GATA4: variants seen among roughly 807,000 people sequenced by gnomAD.
GATA4 encodes the protein GATA binding protein 4, also known as transcription factor GATA-4.
A neutral mutation model predicts 37.9 loss-of-function variants in GATA4; 7 were observed. The ratio of observed to expected loss-of-function variants is 0.18; its 90% CI spans 0.11 to 0.35. The LOEUF (loss-of-function observed/expected upper bound fraction) is 0.35. GATA4 is among the 10% of genes least tolerant of loss of function. The pLI is 1.00. For synonymous variants in GATA4, 372 were observed against 292.6 expected, an observed-to-expected ratio of 1.27 and a Z score of -2.77; for missense variants, 647 against 653.0, an observed-to-expected ratio of 0.99 and a Z score of 0.10.
Position 11,708,788 on chromosome 8 carries a change from C to T in GATA4, c.476C>T (p.Ser159Phe). ...CGCGCCGGCTTCGCGGGCTCCTACT[C>T]CAGCCCCTACCCGGCTTACATGGCC... ...YGRAGFAGSY[S>F]SPYPAYMADV... Residue 159 changes from serine (S) to phenylalanine (F), a missense_variant, in exon 2 of 7, where the codon TCC (serine) becomes TTC (phenylalanine). This residue lies in a region of GATA4 where 379 missense variants were observed against 334.5 expected (regional missense o/e 1.13). Transcript: ENST00000532059. This position sits in a 1 kb window ranked among gnomAD's most constrained non-coding sequence, Gnocchi z 6.7. 1 of 1,469,546 alleles carries T rather than the reference C, an allele frequency of 6.8e-7. No homozygotes were observed. The highest frequency in any genetic ancestry group is 8.9e-7 in the Non-Finnish European group (1 of 1,117,416). 91.0% of individuals were successfully genotyped at this position (1,469,546 alleles called of 1,614,324 possible).
chr8:11,697,913 C>T, intron 1 of GATA4: 1 of 985,486 alleles, frequency 1.0e-6, no homozygotes, highest in Non-Finnish European at 1.2e-6. Context: ...CTGGGGGACC[C>T]ACCAGTCCCC....
chr8:11,749,993 T>A lies in GATA4; in HGVS notation c.787-118T>A. ...CACAGGTCAGAGATCTCATGCAGGG[T>A]CGTTAGGGCCCAGCCCTGCCTCCCG... is the stretch of plus-strand genomic sequence containing the variant. On this transcript the variant is annotated intron_variant, in intron 3 of 6. Coordinates refer to ENST00000532059, the MANE Select transcript of GATA4 (RefSeq NM_001308093.3). This position sits in a 1 kb window ranked among gnomAD's most constrained non-coding sequence, Gnocchi z 4.6. 7.2e-7 allele frequency: 1 copy of A among 1,391,304 alleles called. No homozygotes were observed. Among genetic ancestry groups the A allele is most frequent in the South Asian group, 1.2e-5 (1 of 84,338 alleles). 86.2% of individuals were successfully genotyped at this position (1,391,304 alleles called of 1,614,324 possible). A position where few individuals can be genotyped will look rare whatever the true frequency, so the allele number is the denominator to read the frequency against.
At chr8:11,729,804 C>A (rs1387113081) in intron 2 of GATA4, among the ~76,000 whole-genome samples, 3 of 152,170 alleles carry the variant, frequency 2.0e-5, no homozygotes, top group African/African-American at 7.2e-5. Context: ...TTGCTCAATT[C>A]TGAGTGAGTT....
Position 11,708,019 on chromosome 8 carries a change from G to A in GATA4, c.-294G>A. ...TCCGTCTTCTGCCCCCAATAGGTGC[G>A]CCGGACCTTCAGGCCCTGGGGTGAA... On this transcript the variant is annotated 5_prime_UTR_variant, in exon 2 of 7. Coordinates refer to ENST00000532059, the MANE Select transcript of GATA4 (RefSeq NM_001308093.3). The surrounding 1 kb of genome is among the most constrained non-coding windows in gnomAD (Gnocchi z 6.7). 2.2e-6 allele frequency: 1 copy of A among 450,872 alleles called. No homozygotes were observed. The highest frequency in any genetic ancestry group is 4.1e-6 in the Non-Finnish European group (1 of 241,952). 27.9% of individuals were successfully genotyped at this position (450,872 alleles called of 1,614,324 possible).
chr8:11,740,568 C>G (rs1394205664), intron 2 of GATA4, among the ~76,000 whole-genome samples: 4 of 152,178 alleles, frequency 2.6e-5, no homozygotes, highest in Admixed American at 2.0e-4. Context: ...ATGGAGGCCC[C>G]CATGAAAACT....
chr8:11,680,781 C>G lies in GATA4; in HGVS notation c.-274+3718C>G, dbSNP rs182322146. 253 of 985,328 alleles carry G rather than the reference C, an allele frequency of 2.6e-4. 1 individual carries two copies. In the African/African-American group the frequency reaches 3.5e-3, roughly 14 times the overall value. 61.0% of individuals were successfully genotyped at this position (985,328 alleles called of 1,614,324 possible). On this transcript the variant is annotated intron_variant, in intron 1 of 6. Coordinates refer to the GATA4 transcript ENST00000528712. ...CGCACCCCTCTCCAGATGCGAGGTG[C>G]TCACCCGCCCCTCGCCCTGCTCACC...
At chr8:11,741,182 A>G (rs1025834833) in intron 2 of GATA4, among the ~76,000 whole-genome samples, 11 of 152,256 alleles carry the variant, frequency 7.2e-5, no homozygotes, top group African/African-American at 2.6e-4. Context: ...CACTTGTTTC[A>G]AGAAAGTGCT....
chr8:11,756,803 G>GGC, intron 5 of GATA4, 132 bp from the exon 6 acceptor site: 1 of 1,196,696 alleles, frequency 8.4e-7, no homozygotes, highest in Non-Finnish European at 1.2e-6. Flanking sequence ...CGCAGATAAG[G>GGC]ACCTCTGCTG....
In GATA4 at chr8:11,758,445, C is replaced by T. The variant is rs1398970613; in HGVS notation, c.1302C>T (p.Ala434=). 12 of 1,614,078 alleles carry T rather than the reference C, an allele frequency of 7.4e-6. No individual in the cohort carries two copies. Among genetic ancestry groups the T allele is most frequent in the South Asian group, 2.2e-5 (2 of 91,086 alleles). Residue 434 remains alanine (A), a synonymous_variant, in exon 7 of 7, where the codon GCC becomes GCT. Coordinates refer to ENST00000532059, the MANE Select transcript of GATA4 (RefSeq NM_001308093.3). ...KQDSWNSLVL[A]DSHGDIITA ...ACTCTTGGAACAGCCTGGTCTTGGCCGACAGTCACGGGGACATAATCACTG... is the reference window on the plus strand; with the variant it reads ...ACTCTTGGAACAGCCTGGTCTTGGCTGACAGTCACGGGGACATAATCACTG...
intron 1 of GATA4, among the ~76,000 whole-genome samples, chr8:11,695,660 C>CCCAGGCAGCCATCAGG (rs1301720734): frequency 6.6e-6 from 1 of 152,212 alleles, no homozygotes; most frequent in Non-Finnish European, 1.5e-5. Flanking sequence ...ATCACCCTCT[C>CCCAGGCAGCCATCAGG]CCAGGCAGCC....
At chr8:11,740,946 C>G (rs985125275) in intron 2 of GATA4, among the ~76,000 whole-genome samples, 14 of 152,086 alleles carry the variant, frequency 9.2e-5, no homozygotes, top group Non-Finnish European at 1.5e-5. Context: ...GTTGGCCAGG[C>G]TGGCCTTGAA....
Position 11,757,057 on chromosome 8 carries a change from T to C in GATA4, c.1123T>C (p.Tyr375His), listed in dbSNP as rs1318224413. Residue 375 changes from tyrosine to histidine, a missense_variant, in exon 6 of 7, where the codon TAC becomes CAC. Coordinates refer to ENST00000532059, the MANE Select transcript of GATA4 (RefSeq NM_001308093.3). ...GACGGAGCCTGGCCTGTCATCTCAC[T>C]ACGGGCACAGCAGCTCCGTGTCCCA... ...IKTEPGLSSH[Y>H]GHSSSVSQTF... is the part of the protein sequence containing the mutation. 3.1e-6 allele frequency: 5 copies of C among 1,614,036 alleles called. 1 individual carries two copies. Among genetic ancestry groups the C allele is most frequent in the Non-Finnish European group, 4.2e-6 (5 of 1,180,026 alleles).
intron 1 of GATA4, among the ~76,000 whole-genome samples, chr8:11,677,869 G>C (rs887344323): frequency 1.3e-5 from 2 of 152,072 alleles, no homozygotes; most frequent in South Asian, 2.1e-4. Context: ...GGCCCACTGC[G>C]TGCGTTGCAG....
At chr8:11,755,801 T>A (rs1459760395) in intron 5 of GATA4, among the ~76,000 whole-genome samples, 3 of 152,082 alleles carry the variant, frequency 2.0e-5, no homozygotes, top group Non-Finnish European at 4.4e-5. Flanking sequence ...CACTCTGCCT[T>A]CTTAATTTCT....
chr8:11,678,968 T>C (rs974982602), intron 1 of GATA4, among the ~76,000 whole-genome samples: 3 of 152,230 alleles, frequency 2.0e-5, no homozygotes, highest in African/African-American at 7.2e-5. Context: ...TATAATAAAA[T>C]ATCCATTTCA....
chr8:11,727,353 G>A (rs192488103), intron 2 of GATA4, among the ~76,000 whole-genome samples: 1 of 152,194 alleles, frequency 6.6e-6, no homozygotes, highest in Non-Finnish European at 1.5e-5. Context: ...CTGCTGGGAA[G>A]GGGGGAGAGC....
intron 1 of GATA4, chr8:11,681,372 A>G: frequency 2.0e-6 from 2 of 985,292 alleles, no homozygotes; most frequent in Non-Finnish European, 2.4e-6. Flanking sequence ...CCTAGGTCTC[A>G]TAAAAACTCC....
rs548661924 is a variant in GATA4 at position 11,748,828 on chromosome 8, G to C, written c.617-88G>C. On this transcript the variant is annotated intron_variant, in intron 2 of 6. Transcript: ENST00000532059. ...TTTCCAAGGAAAGGGCATTGTTTCTGTGCGCTCTAGATTCTCAGATGTGAG... is the reference window on the plus strand; with the variant it reads ...TTTCCAAGGAAAGGGCATTGTTTCTCTGCGCTCTAGATTCTCAGATGTGAG... The C allele has an allele frequency of 4.1e-6, 6 of 1,469,720 alleles. No individual in the cohort carries two copies. The African/African-American group carries it at 6.9e-5, about 17-fold the overall frequency. 91.0% of individuals were successfully genotyped at this position (1,469,720 alleles called of 1,614,324 possible).
At chr8:11,740,780 C>T (rs1467848816) in intron 2 of GATA4, among the ~76,000 whole-genome samples, 1 of 151,694 alleles carries the variant, frequency 6.6e-6, no homozygotes, top group Non-Finnish European at 1.5e-5. Context: ...GTCGCCCAGA[C>T]TGTAGTACAG....
Sources: allele counts gnomAD v4.1 joint callset (sites outside exome capture counted in the v4.1 genomes callset), GRCh38; gene constraint gnomAD v4.1.1; regional missense constraint gnomAD v4.1.1; non-coding constraint Gnocchi (gnomAD v3.1); transcripts MANE v1.5; gene names NCBI Gene and HGNC (gene_info 2026-07-23, HGNC 2026-07-21).